The following PARD3 variants were observed in gnomAD, a reference collection of about 807,000 sequenced individuals.
PARD3 encodes partitioning defective 3 homolog.
A neutral mutation model predicts 155.4 loss-of-function variants in PARD3; 75 were observed. The ratio of observed to expected loss-of-function variants is 0.48; its 90% confidence interval spans 0.40 to 0.58. PARD3 has a LOEUF of 0.58. PARD3 is among the 20% of genes least tolerant of loss of function. PARD3 has a pLI of 0.00. For missense variants in PARD3, 1,642 were observed against 1,721.7 expected, an observed-to-expected ratio of 0.95 and a Z score of 0.82; for synonymous variants, 576 against 610.5, an observed-to-expected ratio of 0.94 and a Z score of 0.83.
chr10:34,311,627 C>A, intron 20 of PARD3, among the ~76,000 whole-genome samples: 1 of 151,922 alleles, frequency 6.6e-6, no homozygotes, highest in Non-Finnish European at 1.5e-5. Context: ...TCTCTCGACA[C>A]GTGGTCTCAG....
chr10:34,780,260 C>T (rs1298217439), intron 1 of PARD3, among the ~76,000 whole-genome samples: 1 of 152,226 alleles, frequency 6.6e-6, no homozygotes, highest in Non-Finnish European at 1.5e-5. Flanking sequence ...GACCTGAATG[C>T]TCCTTACCAT....
intron 2 of PARD3, among the ~76,000 whole-genome samples, chr10:34,551,692 C>G (rs1241487962): frequency 6.6e-6 from 1 of 152,190 alleles, no homozygotes; most frequent in African/African-American, 2.4e-5. Context: ...GGTTCCAGCT[C>G]AGGCTGCGGT....
At chr10:34,391,029 C>T (rs890685953) in intron 7 of PARD3, among the ~76,000 whole-genome samples, 1 of 152,148 alleles carries the variant, frequency 6.6e-6, no homozygotes, top group African/African-American at 2.4e-5. Flanking sequence ...CTCAAGTCAT[C>T]ATTAGGACAG....
At chr10:34,259,661 C>G (rs1238106371) in intron 22 of PARD3, among the ~76,000 whole-genome samples, 1 of 152,170 alleles carries the variant, frequency 6.6e-6, no homozygotes, top group East Asian at 1.9e-4. Flanking sequence ...TTATCATGCC[C>G]ATCATACAAC....
chr10:34,698,367 GTTAGGCCCTGCACCATTTT>G (rs2094212540), intron 1 of PARD3, among the ~76,000 whole-genome samples: 1 of 151,988 alleles, frequency 6.6e-6, no homozygotes, highest in Non-Finnish European at 1.5e-5. Context: ...TTCACAGCCT[GTTAGGCCCTGCACCATTTT>G]CCCCCCACTC....
chr10:34,751,099 C>A (rs753947786), intron 1 of PARD3, among the ~76,000 whole-genome samples: 1 of 152,158 alleles, frequency 6.6e-6, no homozygotes, highest in Non-Finnish European at 1.5e-5. Context: ...ACACCCGTCA[C>A]TTCCACACAC....
intron 22 of PARD3, among the ~76,000 whole-genome samples, chr10:34,172,747 A>C (rs1408799464): frequency 4.3e-5 from 6 of 140,440 alleles, no homozygotes; most frequent in Non-Finnish European, 9.6e-5. Context: ...ACAAAAAAAC[A>C]ACAAAAAAAA....
rs992780880 is a variant in PARD3 at position 34,700,596 on chromosome 10, A to C, written c.121-4177T>G. Among the ~76,000 whole-genome samples the C allele has an allele frequency of 7.2e-5, 11 of 152,006 alleles. No individual in the cohort carries two copies. In the South Asian group the frequency reaches 2.3e-3, roughly 32 times the overall value. Reference sequence around the variant, plus strand: ...TCACTGAAAAAAATCTATGTTGATAAAAAAAAAATTTGAGTATTTACTACA... The same window carrying C: ...TCACTGAAAAAAATCTATGTTGATACAAAAAAAATTTGAGTATTTACTACA... On this transcript the variant is annotated intron_variant, in intron 1 of 24. Coordinates refer to ENST00000374788, the MANE Select transcript of PARD3 (RefSeq NM_001184785.2).
chr10:34,516,606 T>C (rs576305321), intron 3 of PARD3, among the ~76,000 whole-genome samples: 21 of 152,360 alleles, frequency 1.4e-4, no homozygotes, highest in African/African-American at 4.6e-4. Flanking sequence ...TAAATGACGG[T>C]TGTAACAGAG....
intron 2 of PARD3, among the ~76,000 whole-genome samples, chr10:34,632,843 T>C (rs1319906806): frequency 1.3e-5 from 2 of 152,232 alleles, no homozygotes; most frequent in East Asian, 1.9e-4. Context: ...CCGATTGTGA[T>C]TTTTCTAATG....
intron 1 of PARD3, among the ~76,000 whole-genome samples, chr10:34,791,465 A>G (rs1304035020): frequency 6.6e-6 from 1 of 152,188 alleles, no homozygotes; most frequent in East Asian, 1.9e-4. Flanking sequence ...CGAGCCCTGG[A>G]TAAAGAGGAC....
At chr10:34,677,113 T>C (rs1461908160) in intron 2 of PARD3, among the ~76,000 whole-genome samples, 1 of 152,146 alleles carries the variant, frequency 6.6e-6, no homozygotes, top group Non-Finnish European at 1.5e-5. Flanking sequence ...ACATATAAAA[T>C]AGAGATTTGG....
chr10:34,192,541 T>A (rs1053019484), intron 22 of PARD3, among the ~76,000 whole-genome samples: 6 of 152,198 alleles, frequency 3.9e-5, no homozygotes, highest in East Asian at 3.9e-4. Context: ...GTAAAAAAAA[T>A]TTTCATCTAC....
chr10:34,407,372 C>G (rs1008303978), intron 5 of PARD3, among the ~76,000 whole-genome samples: 2 of 152,172 alleles, frequency 1.3e-5, no homozygotes, highest in Non-Finnish European at 2.9e-5. Flanking sequence ...GCAGTCCTCA[C>G]AGCTGTGCAG....
intron 22 of PARD3, among the ~76,000 whole-genome samples, chr10:34,137,579 T>C (rs1228289294): frequency 6.6e-6 from 1 of 152,240 alleles, no homozygotes; most frequent in Non-Finnish European, 1.5e-5. Context: ...GAACACTCCA[T>C]TGTTGTTGGC....
intron 16 of PARD3, 127 bp from the exon 17 acceptor site, chr10:34,337,553 A>C: frequency 2.3e-6 from 1 of 435,672 alleles, no homozygotes; most frequent in Non-Finnish European, 3.9e-6. Flanking sequence ...AATTCAACTA[A>C]ATAATACAAA....
chr10:34,462,798 C>T (rs1297787610), intron 4 of PARD3, among the ~76,000 whole-genome samples: 1 of 151,172 alleles, frequency 6.6e-6, no homozygotes, highest in East Asian at 2.0e-4. Context: ...ATGCACTGAA[C>T]TCCAGCCTGG....
chr10:34,487,820 TAATTA>T (rs1467784345), intron 3 of PARD3, among the ~76,000 whole-genome samples: 8 of 152,214 alleles, frequency 5.3e-5, no homozygotes, highest in Non-Finnish European at 1.2e-4. Flanking sequence ...AACAATCATG[TAATTA>T]AATTTTAAAA....
At chr10:34,334,411 A>G (rs1835938446) in intron 18 of PARD3, among the ~76,000 whole-genome samples, 1 of 151,486 alleles carries the variant, frequency 6.6e-6, no homozygotes, top group African/African-American at 2.4e-5. Flanking sequence ...AATGTAATTC[A>G]ATTTTCATTA....
Sources: gnomAD v4.1 joint callset for allele counts (sites outside exome capture counted in the v4.1 genomes callset) on GRCh38, gnomAD v4.1.1 for gene constraint, MANE v1.5 for transcripts, NCBI Gene and HGNC (gene_info 2026-07-23, HGNC 2026-07-21) for gene names.